IFT140: variants seen among roughly 807,000 people sequenced by gnomAD.
The protein encoded by IFT140 is intraflagellar transport 140.
In IFT140, 133 loss-of-function variants were observed where a neutral mutation model predicts 164.6. The observed-to-expected ratio is 0.81, with a 90% CI of 0.70 to 0.93. IFT140 has a LOEUF of 0.93. Ranked by LOEUF, IFT140 falls within the 40% of genes least tolerant of loss-of-function variation. IFT140 has a pLI of 0.00. For missense variants in IFT140, 2,045 were observed against 1,972.3 expected (o/e 1.04, Z -0.70); for synonymous variants, 860 against 817.3 (o/e 1.05, Z -0.89).
intron 19 of IFT140, among the ~76,000 whole-genome samples, chr16:1,537,359 C>A (rs2031182517): frequency 6.6e-6 from 1 of 152,230 alleles, no homozygotes; most frequent in Non-Finnish European, 1.5e-5. Flanking sequence ...CCATGGGGCA[C>A]ATGGAGTCAA....
chr16:1,567,802 CCAA>C (rs2033800321), intron 15 of IFT140, among the ~76,000 whole-genome samples: 1 of 152,230 alleles, frequency 6.6e-6, no homozygotes, highest in Non-Finnish European at 1.5e-5. Flanking sequence ...CCTCTGCACA[CCAA>C]CATCACCCTG....
chr16:1,571,583 C>A, intron 13 of IFT140, 49 bp from the exon 14 acceptor site: 2 of 1,566,332 alleles, frequency 1.3e-6, no homozygotes, highest in Non-Finnish European at 1.7e-6. Flanking sequence ...AGTTACTGAA[C>A]ATTGTTCACA....
In IFT140 at chr16:1,587,301, G is replaced by A; in HGVS notation, c.906C>T (p.Phe302=). 6.2e-7 allele frequency: 1 copy of A among 1,605,876 alleles called. No homozygotes were observed. Among genetic ancestry groups the A allele is most frequent in the Non-Finnish European group, 8.5e-7 (1 of 1,172,684 alleles). The part of the protein sequence containing the change: ...VMAVGEAALR[F]WDIERGENYI... The stretch of plus-strand genomic sequence containing the variant: ...AATTCTCTCCTCGTTCTATGTCCCA[G>A]AATCTACAACAGAAGAAAGCAAGCC... The change falls in exon 9 of 31, where the codon TTC becomes TTT. Residue 302 remains phenylalanine, a synonymous_variant. Coordinates refer to ENST00000426508, the MANE Select transcript of IFT140 (RefSeq NM_014714.4).
At chr16:1,559,449 G>A (rs1341524980) in intron 18 of IFT140, among the ~76,000 whole-genome samples, 1 of 152,128 alleles carries the variant, frequency 6.6e-6, no homozygotes, top group Non-Finnish European at 1.5e-5. Flanking sequence ...TGCTGGACCC[G>A]GATCCACCCT....
At chr16:1,599,287 TCTCC>T (rs1263484401) in intron 4 of IFT140, among the ~76,000 whole-genome samples, 1 of 83,032 alleles carries the variant, frequency 1.2e-5, no homozygotes, top group African/African-American at 7.5e-5. Flanking sequence ...GTGAGGAGCA[TCTCC>T]GCCCGGCAGC....
intron 4 of IFT140, among the ~76,000 whole-genome samples, chr16:1,597,684 A>C (rs1301007701): frequency 6.6e-6 from 1 of 152,240 alleles, no homozygotes; most frequent in Non-Finnish European, 1.5e-5. Flanking sequence ...TTTTCTTAGA[A>C]GGATTAGGCA....
At chr16:1,534,180 C>A in intron 19 of IFT140, 1 of 1,520,824 alleles carries the variant, frequency 6.6e-7, no homozygotes, top group South Asian at 1.2e-5. Context: ...TGGTGATGTC[C>A]TCTAGCCACC....
chr16:1,558,727 C>T (rs942253468), intron 18 of IFT140, among the ~76,000 whole-genome samples: 4 of 152,238 alleles, frequency 2.6e-5, no homozygotes, highest in Non-Finnish European at 1.5e-5. Context: ...GCTCTGCACG[C>T]GCTCTCTGGG....
chr16:1,522,964 C>T (rs373071052), intron 26 of IFT140, among the ~76,000 whole-genome samples: 2 of 152,036 alleles, frequency 1.3e-5, no homozygotes, highest in South Asian at 2.1e-4. Context: ...CTCACATCTA[C>T]AGTCCCAGTG....
intron 4 of IFT140, among the ~76,000 whole-genome samples, chr16:1,597,578 T>A (rs1038175263): frequency 6.6e-6 from 1 of 152,220 alleles, no homozygotes; most frequent in Non-Finnish European, 1.5e-5. Context: ...GGGGAAGAGA[T>A]GTCTCTGCAG....
intron 12 of IFT140, among the ~76,000 whole-genome samples, chr16:1,583,067 C>T (rs2034662035): frequency 6.6e-6 from 1 of 152,208 alleles, no homozygotes; most frequent in African/African-American, 2.4e-5. Context: ...GGGAGGCAGC[C>T]ACCTCCTCCC....
At chr16:1,581,305 G>C (rs2034544991) in intron 12 of IFT140, among the ~76,000 whole-genome samples, 2 of 152,172 alleles carry the variant, frequency 1.3e-5, no homozygotes, top group African/African-American at 4.8e-5. Context: ...CAACATAATA[G>C]ATAAGAATCT....
intron 1 of IFT140, among the ~76,000 whole-genome samples, 179 bp from the exon 2 acceptor site, chr16:1,611,032 GTC>G (rs1444499397): frequency 2.0e-5 from 3 of 152,228 alleles, no homozygotes; most frequent in Admixed American, 1.3e-4. Context: ...GCACGCGGCG[GTC>G]TCGGCCCAGG....
At chr16:1,558,822 T>C (rs535133935) in intron 18 of IFT140, among the ~76,000 whole-genome samples, 1 of 152,380 alleles carries the variant, frequency 6.6e-6, no homozygotes, top group East Asian at 1.9e-4. Flanking sequence ...CGCAGCCTTC[T>C]GGGGTCAGGC....
chr16:1,568,541 AAT>A (rs2033849012), intron 14 of IFT140, among the ~76,000 whole-genome samples: 1 of 152,238 alleles, frequency 6.6e-6, no homozygotes, highest in African/African-American at 2.4e-5. Flanking sequence ...AACAAGGACG[AAT>A]ATGAGTGCTT....
intron 13 of IFT140, among the ~76,000 whole-genome samples, chr16:1,572,189 G>A (rs1337633717): frequency 6.6e-5 from 10 of 152,344 alleles, no homozygotes; most frequent in South Asian, 2.1e-4. Flanking sequence ...CCACAGGGGC[G>A]TTCCTGCAGG....
In IFT140 at chr16:1,587,835, G is replaced by A. The variant is rs560975124; in HGVS notation, c.902+98C>T. 4.0e-5 allele frequency: 36 copies of A among 895,226 alleles called. 1 individual carries two copies. In the Middle Eastern group the frequency reaches 1.8e-3, roughly 44 times the overall value. 55.5% of individuals were successfully genotyped at this position (895,226 alleles called of 1,614,324 possible). On this transcript the variant is annotated intron_variant, in intron 8 of 30. Coordinates refer to ENST00000426508, the MANE Select transcript of IFT140 (RefSeq NM_014714.4). Reference sequence around the variant, plus strand: ...TATGAGAGCACTCAGCATCATATGTGCATTTTACATATGCTCCATTCCAAC... The same window carrying A: ...TATGAGAGCACTCAGCATCATATGTACATTTTACATATGCTCCATTCCAAC...
At chr16:1,570,314 C>T (rs2033950850) in intron 14 of IFT140, among the ~76,000 whole-genome samples, 2 of 152,140 alleles carry the variant, frequency 1.3e-5, no homozygotes, top group South Asian at 2.1e-4. Context: ...TACAGACCTA[C>T]GATTCTGTGT....
intron 1 of IFT140, among the ~76,000 whole-genome samples, chr16:1,611,691 G>T (rs1174111666): frequency 1.1e-4 from 16 of 150,326 alleles, no homozygotes. Flanking sequence ...GCGCGCGCCT[G>T]TAATTCCAAC....
Sources: gnomAD v4.1 joint callset for allele counts (sites outside exome capture counted in the v4.1 genomes callset) on GRCh38, gnomAD v4.1.1 for gene constraint, MANE v1.5 for transcripts, NCBI Gene and HGNC (gene_info 2026-07-23, HGNC 2026-07-21) for gene names.